Variants in IL23R observed in about 807,000 individuals in gnomAD.
The protein encoded by IL23R is interleukin 23 receptor.
Under a neutral mutation model 56.9 loss-of-function variants are expected in IL23R, and 34 were observed. That is an observed-to-expected ratio of 0.60 (90% CI 0.45 to 0.80). IL23R has a LOEUF of 0.80. Ranked by LOEUF, IL23R falls within the 30% of genes least tolerant of loss-of-function variation. The pLI is 0.00. For synonymous variants in IL23R, 230 were observed against 249.2 expected (o/e 0.92, Z 0.73); for missense variants, 635 against 730.0 (o/e 0.87, Z 1.50).
chr1:67,221,213 C>T (rs1179717390), intron 7 of IL23R, among the ~76,000 whole-genome samples: 1 of 151,844 alleles, frequency 6.6e-6, no homozygotes, highest in African/African-American at 2.4e-5. Flanking sequence ...CCCAGCTATT[C>T]AGGAGTCTGA....
chr1:67,138,770 A>G (rs1404976833), upstream of IL23R: 1 of 152,280 alleles, frequency 6.6e-6, no homozygotes, highest in East Asian at 1.9e-4. Flanking sequence ...GTGTCTTTTC[A>G]TGCTGTTCCC....
At chr1:67,202,957 G>C (rs1367489837) in intron 5 of IL23R, among the ~76,000 whole-genome samples, 3 of 152,170 alleles carry the variant, frequency 2.0e-5, no homozygotes, top group Non-Finnish European at 4.4e-5. Context: ...TGGAGTTACA[G>C]TTCTCTTGAC....
chr1:67,161,686 G>A (rs1646821863), upstream of IL23R, among the ~76,000 whole-genome samples: 1 of 151,876 alleles, frequency 6.6e-6, no homozygotes. Flanking sequence ...GGAGTGCTGT[G>A]GCGCGATCTC....
intron 7 of IL23R, among the ~76,000 whole-genome samples, chr1:67,236,449 T>C (rs1320721762): frequency 6.6e-6 from 1 of 152,224 alleles, no homozygotes; most frequent in Non-Finnish European, 1.5e-5. Flanking sequence ...CTCATGAAAT[T>C]AGTGGACACA....
chr1:67,257,610 A>T (rs923006790), intron 10 of IL23R, among the ~76,000 whole-genome samples: 1 of 152,200 alleles, frequency 6.6e-6, no homozygotes, highest in Non-Finnish European at 1.5e-5. Flanking sequence ...CCTCCAGTCC[A>T]TTTATTGCCC....
Position 67,207,031 on chromosome 1 carries a change from G to C in IL23R, c.774G>C (p.Lys258Asn), listed in dbSNP as rs1308394223. The C allele has an allele frequency of 6.2e-7, 1 of 1,613,534 alleles. No individual in the cohort carries two copies. Among genetic ancestry groups the C allele is most frequent in the Non-Finnish European group, 8.5e-7 (1 of 1,179,922 alleles). The change falls in exon 6 of 11, where the codon AAG becomes AAC. Residue 258 changes from lysine (K) to asparagine (N), a missense_variant. By Grantham distance (94) the Lys-to-Asn change is moderately conservative. Transcript: ENST00000347310. ...AGGTTTCCTGTGAAATGAGATACAAGGCTACAACAAACCAAACTTGGAATG... is the reference window on the plus strand; with the variant it reads ...AGGTTTCCTGTGAAATGAGATACAACGCTACAACAAACCAAACTTGGAATG... ...IEKVSCEMRY[K>N]ATTNQTWNVK...
intron 7 of IL23R, among the ~76,000 whole-genome samples, chr1:67,224,903 CTTTA>C (rs986769275): frequency 3.9e-5 from 6 of 152,128 alleles, no homozygotes; most frequent in South Asian, 2.1e-4. Context: ...ATGAATTGTT[CTTTA>C]TTTATCACTG....
At chr1:67,208,168 G>A (rs1234884083) in intron 6 of IL23R, among the ~76,000 whole-genome samples, 2 of 152,196 alleles carry the variant, frequency 1.3e-5, no homozygotes, top group Non-Finnish European at 2.9e-5. Flanking sequence ...CATTCAAGTG[G>A]TGATTTGGGT....
At position 67,259,191 on chromosome 1, in the gene IL23R, C is replaced by A; in HGVS notation, c.*63C>A. On this transcript the variant is annotated 3_prime_UTR_variant, in exon 11 of 11. Coordinates refer to ENST00000347310, the MANE Select transcript of IL23R (RefSeq NM_144701.3). Reference sequence around the variant, plus strand: ...GCAATCTGAACTTGGGTTTTCCCTGCAATAGAAATTGAATTCTGCCTCTTT... The same window carrying A: ...GCAATCTGAACTTGGGTTTTCCCTGAAATAGAAATTGAATTCTGCCTCTTT... 4 of 1,508,996 alleles carry A rather than the reference C, an allele frequency of 2.7e-6. No individual in the cohort carries two copies. The highest frequency in any genetic ancestry group is 2.8e-6 in the Non-Finnish European group (3 of 1,088,026). 93.5% of individuals were successfully genotyped at this position (1,508,996 alleles called of 1,614,324 possible).
At chr1:67,153,321 A>G (rs188471928) in intron 1 of IL23R, among the ~76,000 whole-genome samples, 5 of 151,908 alleles carry the variant, frequency 3.3e-5, no homozygotes, top group Admixed American at 3.3e-4. Flanking sequence ...TATTGTGTCT[A>G]TTTGACTCTT....
chr1:67,199,915 C>T (rs1448059097), intron 4 of IL23R, among the ~76,000 whole-genome samples: 1 of 152,218 alleles, frequency 6.6e-6, no homozygotes, highest in African/African-American at 2.4e-5. Context: ...TGGCTCATGC[C>T]TGTAATCCTA....
chr1:67,217,783 C>A (rs990325160), intron 6 of IL23R, among the ~76,000 whole-genome samples: 15 of 151,294 alleles, frequency 9.9e-5, no homozygotes, highest in Admixed American at 9.2e-4. Context: ...CAGATGACAT[C>A]CCCCAAACAA....
intron 1 of IL23R, 41 bp downstream of exon 1, chr1:67,166,582 T>A (rs1171463455): frequency 6.6e-6 from 1 of 152,392 alleles, no homozygotes; most frequent in Non-Finnish European, 1.5e-5. Flanking sequence ...AAGACAGCTA[T>A]ATTTCCTTTT....
chr1:67,165,646 A>C (rs1036273458), upstream of IL23R, among the ~76,000 whole-genome samples: 2 of 152,238 alleles, frequency 1.3e-5, no homozygotes, highest in South Asian at 2.1e-4. Context: ...AAAGGAAGGA[A>C]ATTCTGCCAT....
At chr1:67,181,830 T>C (rs527762893) in intron 3 of IL23R, among the ~76,000 whole-genome samples, 157 of 152,326 alleles carry the variant, frequency 1.0e-3, no homozygotes, top group Non-Finnish European at 1.5e-3. Context: ...GTCCTTTCTG[T>C]TTGTTAGTTT....
chr1:67,177,200 TCCA>T (rs1301591166), intron 3 of IL23R, among the ~76,000 whole-genome samples: 2 of 152,200 alleles, frequency 1.3e-5, no homozygotes, highest in East Asian at 3.8e-4. Flanking sequence ...CACACTGACT[TCCA>T]CAATGGTTGA....
chr1:67,221,923 A>G (rs1038815340), intron 7 of IL23R, among the ~76,000 whole-genome samples: 3 of 152,116 alleles, frequency 2.0e-5, no homozygotes, highest in Non-Finnish European at 4.4e-5. Context: ...TAATCCCAGC[A>G]CATTGGGAAA....
At chr1:67,140,044 C>T (rs1321022639) in intron 1 of IL23R, among the ~76,000 whole-genome samples, 2 of 152,150 alleles carry the variant, frequency 1.3e-5, no homozygotes, top group Non-Finnish European at 2.9e-5. Context: ...CAGAGACCTC[C>T]CAGCAGCAAG....
At chr1:67,224,099 C>A (rs1650468539) in intron 7 of IL23R, among the ~76,000 whole-genome samples, 1 of 152,150 alleles carries the variant, frequency 6.6e-6, no homozygotes, top group South Asian at 2.1e-4. Flanking sequence ...CCTCAGTGAG[C>A]AAAGGAGACA....
Sources: gnomAD v4.1 joint callset for allele counts (sites outside exome capture counted in the v4.1 genomes callset) on GRCh38, gnomAD v4.1.1 for gene constraint, MANE v1.5 for transcripts, NCBI Gene and HGNC (gene_info 2026-07-23, HGNC 2026-07-21) for gene names.